The following SASH1 variants were observed in gnomAD, a reference collection of about 807,000 sequenced individuals.
SASH1 encodes the protein SAM and SH3 domain-containing protein 1.
A neutral mutation model predicts 125.2 loss-of-function variants in SASH1; 44 were observed. The observed-to-expected ratio is 0.35, with a 90% CI of 0.28 to 0.45. The LOEUF (loss-of-function observed/expected upper bound fraction) is 0.45, where lower values mean the gene tolerates loss of function less well. Among genes scored for constraint, SASH1 ranks in the 20% least tolerant of loss-of-function variants. The probability of loss-of-function intolerance (pLI) is 1.00; values close to 1 mark genes in which losing one functional copy is unlikely to be tolerated. For synonymous variants in SASH1, 639 were observed against 649.1 expected (o/e 0.98, Z 0.24); for missense variants, 1,426 against 1,614.5 (o/e 0.88, Z 2.00).
intron 2 of SASH1, among the ~76,000 whole-genome samples, chr6:148,438,298 A>T (rs1280986865): frequency 6.6e-6 from 1 of 152,226 alleles, no homozygotes; most frequent in Non-Finnish European, 1.5e-5. Flanking sequence ...TCTCTATGTG[A>T]GGCTGAAAGG....
the SASH1 span, among the ~76,000 whole-genome samples, chr6:148,201,999 C>T: frequency 4.6e-5 from 7 of 151,988 alleles, no homozygotes; most frequent in African/African-American, 1.2e-4. Context: ...CCAGTTCACC[C>T]GGTCCATATT....
At chr6:148,528,081 G>C (rs552849115) in intron 12 of SASH1, among the ~76,000 whole-genome samples, 2 of 151,872 alleles carry the variant, frequency 1.3e-5, no homozygotes, top group South Asian at 4.2e-4. Flanking sequence ...AGTTCTTCCT[G>C]GGTACCAGGC....
At chr6:148,254,676 C>CTAA in the SASH1 span, among the ~76,000 whole-genome samples, 28 of 152,204 alleles carry the variant, frequency 1.8e-4, no homozygotes, top group African/African-American at 6.7e-4. Context: ...TAGGATGGCT[C>CTAA]TAATAATAAG....
At chr6:148,498,234 CA>C (rs67287043) in intron 8 of SASH1, among the ~76,000 whole-genome samples, 84,695 of 133,304 alleles carry the variant, frequency 0.64, 25,031 homozygotes, top group East Asian at 0.75. Flanking sequence ...AACAAACAAA[CA>C]AAAAAAAAAA....
rs771302829 is a variant in SASH1, at chr6:148,519,747, A to G, written c.1063A>G (p.Ser355Gly). Reference protein sequence around the residue: ...GAGRKLVKTFSKGESRGLIKP... With the variant: ...GAGRKLVKTFGKGESRGLIKP... ...TGGCCGGAAGTTGGTCAAAACCTTC[A>G]GCAAAGGAGAGAGCCGGGGCCTGAT... Residue 355 changes from serine (S) to glycine (G), a missense_variant, in exon 10 of 20, where the codon AGC becomes GGC. Ser to Gly is a moderately conservative substitution (Grantham distance 56). Around this residue, in one of 3 missense-constraint regions of SASH1, gnomAD observed 567 missense variants for 575.6 expected, o/e 0.99. Transcript: ENST00000367467. This position sits in a 1 kb window ranked among gnomAD's most constrained non-coding sequence, Gnocchi z 4.8. 1 of 1,614,160 alleles carries G rather than the reference A, an allele frequency of 6.2e-7. No homozygotes were observed. The highest frequency in any genetic ancestry group is 8.5e-7 in the Non-Finnish European group (1 of 1,180,034).
intron 1 of SASH1, among the ~76,000 whole-genome samples, chr6:148,321,349 C>G (rs984783454): frequency 5.3e-5 from 8 of 151,100 alleles, no homozygotes; most frequent in Non-Finnish European, 1.0e-4. Flanking sequence ...GAGATTGCAC[C>G]ATTGCACTCC....
intron 1 of SASH1, among the ~76,000 whole-genome samples, chr6:148,355,967 C>T (rs1230105984): frequency 6.6e-6 from 1 of 151,866 alleles, no homozygotes; most frequent in Non-Finnish European, 1.5e-5. Flanking sequence ...TTTTGGTAAA[C>T]CCATCACTTG....
At chr6:148,481,297 T>A (rs1182487312) in intron 7 of SASH1, among the ~76,000 whole-genome samples, 1 of 152,208 alleles carries the variant, frequency 6.6e-6, no homozygotes, top group Non-Finnish European at 1.5e-5. Flanking sequence ...GTTCTGATCT[T>A]CTACGCAGAC....
At chr6:148,223,295 A>G in the SASH1 span, among the ~76,000 whole-genome samples, 2 of 152,330 alleles carry the variant, frequency 1.3e-5, no homozygotes, top group Middle Eastern at 3.4e-3. Flanking sequence ...TGTAACTAGG[A>G]TTACATGAGT....
intron 1 of SASH1, among the ~76,000 whole-genome samples, chr6:148,384,360 CTT>C (rs1490036285): frequency 1.3e-5 from 2 of 152,094 alleles, no homozygotes; most frequent in East Asian, 3.9e-4. Flanking sequence ...AGACCAGAAA[CTT>C]TTGAACACCT....
the SASH1 span, among the ~76,000 whole-genome samples, chr6:148,232,431 G>A: frequency 2.0e-5 from 3 of 152,286 alleles, no homozygotes; most frequent in African/African-American, 7.2e-5. Context: ...GGTGAGTCAA[G>A]GATAACTGAT....
At chr6:148,329,737 C>T (rs1324476273) in intron 1 of SASH1, among the ~76,000 whole-genome samples, 2 of 152,082 alleles carry the variant, frequency 1.3e-5, no homozygotes, top group East Asian at 3.8e-4. Context: ...GGGCGAGTCC[C>T]TATGACTTAC....
chr6:148,323,641 C>T (rs1453863848), intron 1 of SASH1, among the ~76,000 whole-genome samples: 3 of 152,126 alleles, frequency 2.0e-5, no homozygotes, highest in Non-Finnish European at 4.4e-5. Context: ...AGTAGGATAA[C>T]TGCTGTGATA....
chr6:148,220,081 T>C, the SASH1 span, among the ~76,000 whole-genome samples: 10 of 152,328 alleles, frequency 6.6e-5, no homozygotes, highest in Admixed American at 2.0e-4. Flanking sequence ...TGAAGTCAAA[T>C]CTATTTTTCT....
chr6:148,288,148 C>G (rs1037311605), intron 1 of SASH1, among the ~76,000 whole-genome samples: 1 of 146,350 alleles, frequency 6.8e-6, no homozygotes, highest in African/African-American at 2.4e-5. Flanking sequence ...TGAAAACCCG[C>G]GGGCCCCAGC....
the SASH1 span, among the ~76,000 whole-genome samples, chr6:148,218,074 C>T: frequency 1.3e-5 from 2 of 151,636 alleles, no homozygotes; most frequent in African/African-American, 2.4e-5. Context: ...AAGAAGCTCC[C>T]GTTCCCAGGC....
intron 1 of SASH1, among the ~76,000 whole-genome samples, chr6:148,287,458 C>G (rs912060510): frequency 6.6e-6 from 1 of 152,160 alleles, no homozygotes; most frequent in Non-Finnish European, 1.5e-5. Flanking sequence ...GGTCACACCC[C>G]CTGCCACCAT....
chr6:148,293,973 A>G (rs1471731110), intron 1 of SASH1, among the ~76,000 whole-genome samples: 1 of 152,242 alleles, frequency 6.6e-6, no homozygotes, highest in Non-Finnish European at 1.5e-5. Context: ...CCTAATTTGG[A>G]TGGCTGAATT....
chr6:148,289,861 G>GTTTTTTT (rs144013796), intron 1 of SASH1, among the ~76,000 whole-genome samples: 28 of 85,896 alleles, frequency 3.3e-4, no homozygotes, highest in Admixed American at 4.7e-4. Context: ...TTTTGGTTGT[G>GTTTTTTT]TTTTTTTTTT....
Sources: allele counts gnomAD v4.1 joint callset (sites outside exome capture counted in the v4.1 genomes callset), GRCh38; gene constraint gnomAD v4.1.1; regional missense constraint gnomAD v4.1.1; non-coding constraint Gnocchi (gnomAD v3.1); transcripts MANE v1.5; gene names NCBI Gene and HGNC (gene_info 2026-07-23, HGNC 2026-07-21).